Variants in RAPH1 observed in about 807,000 individuals in gnomAD.
RAPH1 encodes Ras association (RalGDS/AF-6) and pleckstrin homology domains 1.
A neutral mutation model predicts 88.1 loss-of-function variants in RAPH1; 18 were observed. The ratio of observed to expected loss-of-function variants is 0.20; its 90% CI spans 0.14 to 0.30. The LOEUF is 0.30. Ranked by LOEUF, RAPH1 falls within the 10% of genes least tolerant of loss-of-function variation. The pLI, the probability that RAPH1 is intolerant of heterozygous loss-of-function variation, is 1.00. For synonymous variants in RAPH1, 587 were observed against 559.0 expected, an observed-to-expected ratio of 1.05 and a Z score of -0.71; for missense variants, 1,448 against 1,543.2, an observed-to-expected ratio of 0.94 and a Z score of 1.03.
In RAPH1 at chr2:203,506,733, G is replaced by T. The variant is rs7562382; in HGVS notation, c.1-11380C>A. On this transcript the variant is annotated intron_variant, in intron 1 of 13. Coordinates refer to ENST00000319170, the MANE Select transcript of RAPH1 (RefSeq NM_213589.3). The stretch of plus-strand genomic sequence containing the variant: ...ATCCACTGACTAAAATCCATATATA[G>T]ATATATATCTATATATATATATATC... 2.8e-3 allele frequency among the ~76,000 whole-genome samples: 296 copies of T among 106,172 alleles called. 21 individuals are homozygous for T. The highest frequency in any genetic ancestry group is 0.014 in the African/African-American group (248 of 17,364). The allele number at this position is 106,172 out of a possible 152,430, so 69.7% of individuals were successfully genotyped here.
At chr2:203,494,169 C>G (rs1688408176) in intron 2 of RAPH1, among the ~76,000 whole-genome samples, 1 of 152,092 alleles carries the variant, frequency 6.6e-6, no homozygotes, top group Non-Finnish European at 1.5e-5. Flanking sequence ...ACCTTGCCCA[C>G]TTTGCTTTTC....
chr2:203,527,508 C>T (rs1394318155), intron 1 of RAPH1, among the ~76,000 whole-genome samples: 3 of 151,938 alleles, frequency 2.0e-5, no homozygotes, highest in South Asian at 2.1e-4. Flanking sequence ...TCAATAAAAA[C>T]GTTTTATGTG....
chr2:203,479,309 A>G (rs1156826756), intron 4 of RAPH1, among the ~76,000 whole-genome samples: 1 of 152,206 alleles, frequency 6.6e-6, no homozygotes, highest in African/African-American at 2.4e-5. Flanking sequence ...AACTTTCTAA[A>G]AGCCTAAATC....
At chr2:203,490,427 A>G (rs1286829578) in intron 3 of RAPH1, among the ~76,000 whole-genome samples, 2 of 152,232 alleles carry the variant, frequency 1.3e-5, no homozygotes, top group African/African-American at 4.8e-5. Flanking sequence ...GCTTTGGTAG[A>G]GATGTCAATA....
chr2:203,467,624 T>C (rs1399821156), intron 4 of RAPH1, among the ~76,000 whole-genome samples: 1 of 151,826 alleles, frequency 6.6e-6, no homozygotes, highest in Non-Finnish European at 1.5e-5. Flanking sequence ...ATTTTAAAAA[T>C]TCGCTATATA....
In RAPH1 at chr2:203,441,438, G is replaced by A. The variant is rs201457229; in HGVS notation, c.1777-25C>T. On this transcript the variant is annotated intron_variant, in intron 13 of 13. Coordinates refer to ENST00000319170, the MANE Select transcript of RAPH1 (RefSeq NM_213589.3). ...CCTAAAAGGAGTATAAAAAGGGAGT[G>A]GGAGAGAGAAAAACACAACAAACAA... The A allele has an allele frequency of 1.1e-3, 1,601 of 1,506,124 alleles. 2 individuals carry two copies. Among genetic ancestry groups the A allele is most frequent in the Non-Finnish European group, 1.4e-3 (1,541 of 1,131,028 alleles). The allele number at this position is 1,506,124 out of a possible 1,614,324, so 93.3% of individuals were successfully genotyped here.
intron 10 of RAPH1, among the ~76,000 whole-genome samples, chr2:203,449,204 T>C (rs1360766396): frequency 6.6e-6 from 1 of 152,230 alleles, no homozygotes; most frequent in African/African-American, 2.4e-5. Flanking sequence ...TAATTTCACT[T>C]TCAACCCACT....
intron 1 of RAPH1, among the ~76,000 whole-genome samples, chr2:203,499,424 C>CA (rs922725381): frequency 0.011 from 1,589 of 139,554 alleles, 11 homozygotes; most frequent in African/African-American, 0.018. Context: ...TTAACAGCAA[C>CA]AAAAAAAAAA....
At chr2:203,501,727 C>G (rs1235197947) in intron 1 of RAPH1, among the ~76,000 whole-genome samples, 2 of 151,172 alleles carry the variant, frequency 1.3e-5, no homozygotes, top group Non-Finnish European at 2.9e-5. Context: ...ATTAGTGACC[C>G]TCAATAGAAA....
chr2:203,456,669 G>A (rs968627576), intron 8 of RAPH1, among the ~76,000 whole-genome samples: 20 of 152,084 alleles, frequency 1.3e-4, no homozygotes, highest in Non-Finnish European at 2.4e-4. Context: ...TTACTTAACC[G>A]TAGTTAGTAT....
At position 203,434,047 on chromosome 2, in the gene RAPH1, T is replaced by C. The variant is rs1012321149; in HGVS notation, c.*5390A>G. 7.8e-6 allele frequency: 1 copy of C among 127,590 alleles called. No homozygotes were observed. The highest frequency in any genetic ancestry group is 1.6e-5 in the Non-Finnish European group (1 of 60,744). 7.9% of individuals were successfully genotyped at this position (127,590 alleles called of 1,614,324 possible). On this transcript the variant is annotated 3_prime_UTR_variant, in exon 14 of 14. Coordinates refer to ENST00000319170, the MANE Select transcript of RAPH1 (RefSeq NM_213589.3). ...TGAATATATCTCTCTCATATATCTATCTATCTATCTATATATATATATATA... is the reference window on the plus strand; with the variant it reads ...TGAATATATCTCTCTCATATATCTACCTATCTATCTATATATATATATATA...
At chr2:203,450,776 C>T (rs555207570) in intron 10 of RAPH1, among the ~76,000 whole-genome samples, 19 of 152,282 alleles carry the variant, frequency 1.2e-4, no homozygotes, top group African/African-American at 2.6e-4. Flanking sequence ...TTAGATGGCT[C>T]GCAACTGTAT....
In RAPH1 at chr2:203,439,515, G is replaced by A; in HGVS notation, c.3675C>T (p.Gly1225=). Residue 1225 remains glycine (G), a synonymous_variant, in exon 14 of 14, where the codon GGC becomes GGT. Coordinates refer to ENST00000319170, the MANE Select transcript of RAPH1 (RefSeq NM_213589.3). ...KAGYGGSHIS[G]YATLRRGPPP... Reference sequence around the variant, plus strand: ...GGGGTCCTCTCCGCAACGTTGCATAGCCTGATATATGACTGCCTCCGTAAC... The same window carrying A: ...GGGGTCCTCTCCGCAACGTTGCATAACCTGATATATGACTGCCTCCGTAAC... 6.2e-7 allele frequency: 1 copy of A among 1,614,124 alleles called. No individual in the cohort carries two copies. The highest frequency in any genetic ancestry group is 1.1e-5 in the South Asian group (1 of 91,092).
At chr2:203,464,443 G>T (rs888012607) in intron 4 of RAPH1, among the ~76,000 whole-genome samples, 2 of 152,142 alleles carry the variant, frequency 1.3e-5, no homozygotes, top group Non-Finnish European at 1.5e-5. Context: ...GGCTAATTTT[G>T]TATTTTTAGA....
intron 2 of RAPH1, among the ~76,000 whole-genome samples, chr2:203,493,350 C>G (rs1688358500): frequency 6.6e-6 from 1 of 152,146 alleles, no homozygotes; most frequent in Admixed American, 6.5e-5. Context: ...CCAATATCTA[C>G]CTGCCTTTTC....
At chr2:203,456,999 A>G (rs918884336) in intron 8 of RAPH1, among the ~76,000 whole-genome samples, 1 of 152,058 alleles carries the variant, frequency 6.6e-6, no homozygotes, top group Non-Finnish European at 1.5e-5. Flanking sequence ...TTATTCTTAG[A>G]TCACTAGAAT....
chr2:203,533,843 A>G (rs1442594836), intron 1 of RAPH1, among the ~76,000 whole-genome samples: 1 of 152,088 alleles, frequency 6.6e-6, no homozygotes, highest in Admixed American at 6.6e-5. Flanking sequence ...ATCTCATTTA[A>G]TCTACATGAA....
chr2:203,472,561 A>G (rs2098534120), intron 4 of RAPH1, among the ~76,000 whole-genome samples: 2 of 152,194 alleles, frequency 1.3e-5, no homozygotes, highest in African/African-American at 2.4e-5. Flanking sequence ...CTGCTACACA[A>G]TTACTATGTA....
rs1253483051 is a variant in RAPH1 at position 203,438,163 on chromosome 2, G to C, written c.*1274C>G. On this transcript the variant is annotated 3_prime_UTR_variant, in exon 14 of 14. Transcript: ENST00000319170. ...TAGTAACCTGAACTAATCACAACCA[G>C]GCTGCAGTCAGCAAGGGTCCTGGTA... 3.9e-6 allele frequency: 2 copies of C among 518,820 alleles called. No homozygotes were observed. Among genetic ancestry groups the C allele is most frequent in the Admixed American group, 3.9e-5 (2 of 51,586 alleles). 32.1% of individuals were successfully genotyped at this position (518,820 alleles called of 1,614,324 possible).
Sources: gnomAD v4.1 joint callset for allele counts (sites outside exome capture counted in the v4.1 genomes callset) on GRCh38, gnomAD v4.1.1 for gene constraint, MANE v1.5 for transcripts, NCBI Gene and HGNC (gene_info 2026-07-23, HGNC 2026-07-21) for gene names.